The following BCAS3 variants were observed in gnomAD, a reference collection of about 807,000 sequenced individuals.
The protein encoded by BCAS3 is BCAS4/BCAS3 fusion.
BCAS3 carries 53 observed loss-of-function variants against 116.1 expected under a neutral mutation model. The ratio of observed to expected loss-of-function variants is 0.46; its 90% CI spans 0.37 to 0.57. The LOEUF is 0.57. Ranked by LOEUF, BCAS3 falls within the 20% of genes least tolerant of loss-of-function variation. The pLI is 0.00. For synonymous variants in BCAS3, 391 were observed against 408.2 expected (o/e 0.96, Z 0.51); for missense variants, 917 against 1,165.4 (o/e 0.79, Z 3.10).
Position 60,807,997 on chromosome 17 carries a change from C to A in BCAS3, c.404-7C>A. ...AAGCTTACAATTTATTTTATCCTTCCTGTCAGGTGCTCAAAAATGTGATAA... is the reference window on the plus strand; with the variant it reads ...AAGCTTACAATTTATTTTATCCTTCATGTCAGGTGCTCAAAAATGTGATAA... On this transcript the variant is annotated splice_polypyrimidine_tract_variant and splice_region_variant and intron_variant, in intron 6 of 23. Coordinates refer to ENST00000407086, the MANE Select transcript of BCAS3 (RefSeq NM_017679.5). The A allele has an allele frequency of 6.3e-7, 1 of 1,586,316 alleles. No homozygotes were observed. The highest frequency in any genetic ancestry group is 8.6e-7 in the Non-Finnish European group (1 of 1,157,958).
rs2077544226 is a variant in BCAS3, at chr17:61,151,583, C to G, written c.2425+67019C>G. 6.6e-6 allele frequency among the ~76,000 whole-genome samples: 1 copy of G among 152,078 alleles called. No homozygotes were observed. On this transcript the variant is annotated intron_variant, in intron 22 of 23. Coordinates refer to ENST00000407086, the MANE Select transcript of BCAS3 (RefSeq NM_017679.5). The surrounding 1 kb of genome is among the most constrained non-coding windows in gnomAD (Gnocchi z 4.8). ...CCTGGCTCAAGTGATCCTTCCAGTT[C>G]AGTCTCCCATGTAGCTGATACTGAC...
intron 5 of BCAS3, among the ~76,000 whole-genome samples, chr17:60,725,796 T>G (rs1030706963): frequency 5.9e-5 from 9 of 152,190 alleles, no homozygotes; most frequent in African/African-American, 2.2e-4. Flanking sequence ...AATACAGTGC[T>G]GTAGAGCCCC....
intron 14 of BCAS3, among the ~76,000 whole-genome samples, chr17:60,989,229 A>G (rs927911970): frequency 1.3e-5 from 2 of 152,168 alleles, no homozygotes; most frequent in African/African-American, 4.8e-5. Context: ...TTTAGAGGCT[A>G]TGCTTAAAAA....
At position 60,967,357 on chromosome 17, in the gene BCAS3, A is replaced by T. The variant is rs1437891045; in HGVS notation, c.1221+20005A>T. The stretch of plus-strand genomic sequence containing the variant: ...AATGTTTTCTCCTTGAGCACTTTGA[A>T]AATGTTGTTATACTCCCTCCTGGCT... On this transcript the variant is annotated intron_variant, in intron 14 of 23. Transcript: ENST00000407086. The surrounding 1 kb of genome is among the most constrained non-coding windows in gnomAD (Gnocchi z 4.7). Among the ~76,000 whole-genome samples, 2 of 152,134 alleles carry T rather than the reference A, an allele frequency of 1.3e-5. No individual in the cohort carries two copies. Among genetic ancestry groups the T allele is most frequent in the African/African-American group, 4.8e-5 (2 of 41,428 alleles).
intron 22 of BCAS3, among the ~76,000 whole-genome samples, chr17:61,311,106 C>G (rs929264428): frequency 6.6e-6 from 1 of 152,158 alleles, no homozygotes; most frequent in Non-Finnish European, 1.5e-5. Flanking sequence ...AAAATACTGC[C>G]TGCTCCTAAA....
At chr17:60,984,192 A>G (rs1261972565) in intron 14 of BCAS3, among the ~76,000 whole-genome samples, 1 of 152,190 alleles carries the variant, frequency 6.6e-6, no homozygotes, top group East Asian at 1.9e-4. Context: ...TTGTTCATGT[A>G]CTGATGATGT....
intron 19 of BCAS3, among the ~76,000 whole-genome samples, chr17:61,061,026 C>T (rs192103411): frequency 7.2e-5 from 11 of 152,226 alleles, no homozygotes; most frequent in Admixed American, 6.5e-4. Flanking sequence ...TGTTCTCTGT[C>T]TCATGCTTTC....
In BCAS3 at chr17:61,213,717, T is replaced by G. The variant is rs1272908899; in HGVS notation, c.2425+129153T>G. ...GAGGAGGACTGTACAGATGGATAGA[T>G]GTACATTTAACTGCAGAGACTGGAT... On this transcript the variant is annotated intron_variant, in intron 22 of 23. Coordinates refer to ENST00000407086, the MANE Select transcript of BCAS3 (RefSeq NM_017679.5). This position sits in a 1 kb window ranked among gnomAD's most constrained non-coding sequence, Gnocchi z 5.4. Among the ~76,000 whole-genome samples, 1 of 152,158 alleles carries G rather than the reference T, an allele frequency of 6.6e-6. No individual in the cohort carries two copies. Among genetic ancestry groups the G allele is most frequent in the Non-Finnish European group, 1.5e-5 (1 of 68,028 alleles).
intron 7 of BCAS3, among the ~76,000 whole-genome samples, chr17:60,814,712 T>C (rs1270836714): frequency 2.0e-5 from 3 of 152,218 alleles, no homozygotes; most frequent in East Asian, 1.9e-4. Context: ...AATTTTTCAG[T>C]GTGGAAAAGG....
intron 11 of BCAS3, among the ~76,000 whole-genome samples, chr17:60,904,622 A>G (rs2058093118): frequency 6.6e-6 from 1 of 152,154 alleles, no homozygotes; most frequent in Non-Finnish European, 1.5e-5. Context: ...ACATGAGCTC[A>G]GGAATTTGAG....
intron 22 of BCAS3, among the ~76,000 whole-genome samples, chr17:61,289,010 G>A (rs1800722539): frequency 6.6e-6 from 1 of 152,210 alleles, no homozygotes; most frequent in Non-Finnish European, 1.5e-5. Context: ...AGGCCTAATG[G>A]CCCCTCTGCA....
intron 22 of BCAS3, among the ~76,000 whole-genome samples, chr17:61,308,145 G>A (rs1398501264): frequency 1.3e-5 from 2 of 152,160 alleles, no homozygotes; most frequent in African/African-American, 4.8e-5. Flanking sequence ...AACAGCATGG[G>A]CACAACTGGC....
At chr17:61,138,477 T>G (rs1316793109) in intron 22 of BCAS3, among the ~76,000 whole-genome samples, 1 of 152,230 alleles carries the variant, frequency 6.6e-6, no homozygotes, top group African/African-American at 2.4e-5. Flanking sequence ...CAGACCAAAT[T>G]ACTCTGCTGG....
intron 12 of BCAS3, among the ~76,000 whole-genome samples, chr17:60,912,192 T>C (rs2058551572): frequency 1.3e-5 from 2 of 152,120 alleles, no homozygotes; most frequent in Admixed American, 6.5e-5. Flanking sequence ...AAAAATACAA[T>C]CTAGAATCAA....
At chr17:60,918,861 T>C (rs2058920655) in intron 12 of BCAS3, among the ~76,000 whole-genome samples, 2 of 152,002 alleles carry the variant, frequency 1.3e-5, no homozygotes, top group African/African-American at 4.8e-5. Flanking sequence ...CCCAACTAAT[T>C]TTGTGTATTT....
chr17:60,711,811 G>A (rs2037958663), intron 5 of BCAS3, among the ~76,000 whole-genome samples: 1 of 151,940 alleles, frequency 6.6e-6, no homozygotes, highest in African/African-American at 2.4e-5. Flanking sequence ...CCAGCACTTT[G>A]GGAGGCTGAG....
intron 5 of BCAS3, among the ~76,000 whole-genome samples, chr17:60,743,558 T>C (rs2041781530): frequency 6.6e-6 from 1 of 151,986 alleles, no homozygotes; most frequent in South Asian, 2.1e-4. Flanking sequence ...ATTTAACCAG[T>C]ATCTATAGGG....
chr17:60,833,084 C>G (rs1462410053), intron 7 of BCAS3, among the ~76,000 whole-genome samples: 1 of 152,138 alleles, frequency 6.6e-6, no homozygotes, highest in Non-Finnish European at 1.5e-5. Flanking sequence ...CCAGGCTGGT[C>G]TCAAACTCCT....
chr17:61,392,086 G>A lies in BCAS3; in HGVS notation c.2703G>A (p.Glu901=), dbSNP rs773269723. ...DGYRSPLPTN[E]SQPLSLFPTG... ...ACCGATCTCCGCTGCCCACCAATGA[G>A]AGCCAGCCCCTCAGCCTCTTCCCGA... The change falls in exon 24 of 24, where the codon GAG becomes GAA. Residue 901 remains glutamate, a synonymous_variant. Coordinates refer to ENST00000407086, the MANE Select transcript of BCAS3 (RefSeq NM_017679.5). This position sits in a 1 kb window ranked among gnomAD's most constrained non-coding sequence, Gnocchi z 6.4. 5 of 1,613,752 alleles carry A rather than the reference G, an allele frequency of 3.1e-6. No homozygotes were observed. Among genetic ancestry groups the A allele is most frequent in the East Asian group, 4.5e-5 (2 of 44,864 alleles).
Sources: allele counts gnomAD v4.1 joint callset (sites outside exome capture counted in the v4.1 genomes callset), GRCh38; gene constraint gnomAD v4.1.1; non-coding constraint Gnocchi (gnomAD v3.1); transcripts MANE v1.5; gene names NCBI Gene and HGNC (gene_info 2026-07-23, HGNC 2026-07-21).